LUZP2: variants seen among roughly 807,000 people sequenced by gnomAD.
The protein encoded by LUZP2 is leucine zipper protein 2.
LUZP2 carries 52 observed loss-of-function variants against 51.6 expected under a neutral mutation model. The observed-to-expected ratio is 1.01, with a 90% CI of 0.81 to 1.27. The LOEUF is 1.27. Among genes scored for constraint, LUZP2 ranks in the 50% most tolerant of loss-of-function variants. The probability of loss-of-function intolerance (pLI) is 0.00; values close to 1 mark genes in which losing one functional copy is unlikely to be tolerated. For missense variants in LUZP2, 436 were observed against 395.4 expected (o/e 1.10, Z -0.87); for synonymous variants, 154 against 137.3 (o/e 1.12, Z -0.85).
chr11:24,636,789 A>T (rs1855121029), intron 1 of LUZP2, among the ~76,000 whole-genome samples: 2 of 152,180 alleles, frequency 1.3e-5, no homozygotes, highest in Non-Finnish European at 2.9e-5. Context: ...ACTTAACCAG[A>T]GACATAAGAA....
At chr11:24,722,207 T>C (rs1236678123) in intron 1 of LUZP2, among the ~76,000 whole-genome samples, 1 of 152,208 alleles carries the variant, frequency 6.6e-6, no homozygotes, top group African/African-American at 2.4e-5. Context: ...GGACAAATCC[T>C]GATATAAATA....
chr11:25,066,138 G>C (rs545211076), intron 10 of LUZP2, among the ~76,000 whole-genome samples: 2 of 150,604 alleles, frequency 1.3e-5, no homozygotes, highest in South Asian at 4.2e-4. Flanking sequence ...ACAACATTTT[G>C]TCTTCTCGGG....
intron 1 of LUZP2, among the ~76,000 whole-genome samples, chr11:24,688,677 A>G (rs899152026): frequency 2.0e-5 from 3 of 152,136 alleles, no homozygotes; most frequent in Non-Finnish European, 2.9e-5. Context: ...TATTGACTCA[A>G]TGGTCTGGTA....
intron 1 of LUZP2, among the ~76,000 whole-genome samples, chr11:24,650,765 T>C (rs1428845845): frequency 1.3e-5 from 2 of 152,096 alleles, no homozygotes; most frequent in African/African-American, 4.8e-5. Flanking sequence ...CTCATATTTC[T>C]GTTCTTGAGG....
intron 7 of LUZP2, among the ~76,000 whole-genome samples, chr11:24,921,706 A>G (rs774659046): frequency 6.6e-6 from 1 of 152,186 alleles, no homozygotes; most frequent in Non-Finnish European, 1.5e-5. Flanking sequence ...CAATCTAGGC[A>G]TTAAAACATA....
chr11:24,657,606 G>A (rs542149029), intron 1 of LUZP2, among the ~76,000 whole-genome samples: 128 of 152,192 alleles, frequency 8.4e-4, no homozygotes, highest in African/African-American at 3.0e-3. Context: ...GAAATAAAGG[G>A]TATTCAATTA....
At chr11:24,972,622 T>A (rs1469736574) in intron 7 of LUZP2, among the ~76,000 whole-genome samples, 1 of 152,172 alleles carries the variant, frequency 6.6e-6, no homozygotes, top group Non-Finnish European at 1.5e-5. Context: ...CCTAATTTAT[T>A]GAACATGAAG....
At chr11:24,854,949 G>A (rs1308925177) in intron 5 of LUZP2, among the ~76,000 whole-genome samples, 8 of 152,042 alleles carry the variant, frequency 5.3e-5, no homozygotes, top group South Asian at 2.1e-4. Context: ...CTTGCCCTCC[G>A]TGAGCCACAC....
chr11:24,986,249 A>AATATT (rs1469432237), intron 9 of LUZP2, among the ~76,000 whole-genome samples: 18 of 151,672 alleles, frequency 1.2e-4, no homozygotes, highest in Non-Finnish European at 1.6e-4. Context: ...GGCATTATTA[A>AATATT]ATATTATATT....
chr11:24,856,667 G>T (rs1343785523), intron 5 of LUZP2, among the ~76,000 whole-genome samples: 3 of 152,082 alleles, frequency 2.0e-5, no homozygotes, highest in African/African-American at 7.2e-5. Flanking sequence ...CAAAGATATG[G>T]GTCAATAGAA....
At chr11:24,845,444 T>C (rs1302987511) in intron 5 of LUZP2, among the ~76,000 whole-genome samples, 1 of 152,188 alleles carries the variant, frequency 6.6e-6, no homozygotes, top group African/African-American at 2.4e-5. Flanking sequence ...ACTGTAGACT[T>C]TTCAGTTAAT....
intron 7 of LUZP2, among the ~76,000 whole-genome samples, chr11:24,945,600 CT>C (rs1301959505): frequency 6.6e-6 from 1 of 151,358 alleles, no homozygotes; most frequent in Non-Finnish European, 1.5e-5. Context: ...TAGTTTCAAC[CT>C]CCTTAGTATA....
chr11:24,848,151 T>A lies in LUZP2; in HGVS notation c.397-57840T>A, dbSNP rs1851262578. On this transcript the variant is annotated intron_variant, in intron 5 of 11. Coordinates refer to ENST00000336930, the MANE Select transcript of LUZP2 (RefSeq NM_001009909.4). ...GGACTAATATATGATTGATATGATA[T>A]GATATGATATGATAGATATGTTATT... 2.6e-5 allele frequency among the ~76,000 whole-genome samples: 4 copies of A among 152,290 alleles called. No homozygotes were observed. The South Asian group carries it at 8.3e-4, about 32-fold the overall frequency.
At chr11:24,552,870 A>C (rs1382980821) in intron 1 of LUZP2, among the ~76,000 whole-genome samples, 2 of 151,722 alleles carry the variant, frequency 1.3e-5, no homozygotes, top group East Asian at 3.9e-4. Flanking sequence ...ATTATATGAA[A>C]TAACCAATAA....
intron 2 of LUZP2, among the ~76,000 whole-genome samples, chr11:24,731,341 C>T (rs1352277476): frequency 6.9e-6 from 1 of 145,326 alleles, no homozygotes; most frequent in African/African-American, 2.6e-5. Context: ...TATTCTTTTG[C>T]AAACAATATT....
intron 9 of LUZP2, among the ~76,000 whole-genome samples, chr11:25,017,159 G>A (rs1201993647): frequency 6.6e-6 from 1 of 152,074 alleles, no homozygotes; most frequent in South Asian, 2.1e-4. Context: ...GTTCCTTGTA[G>A]ATTCTGGATA....
chr11:24,893,096 T>G (rs1232961425), intron 5 of LUZP2: 3 of 152,180 alleles, frequency 2.0e-5, no homozygotes, highest in Non-Finnish European at 4.4e-5. Context: ...TCAGCTTTTG[T>G]CAAATGAAGC....
At chr11:24,970,416 C>G (rs1855709824) in intron 7 of LUZP2, among the ~76,000 whole-genome samples, 1 of 151,982 alleles carries the variant, frequency 6.6e-6, no homozygotes. Context: ...ATTCTATAAA[C>G]CTCAGTGAAA....
At chr11:24,948,707 T>C (rs1482534908) in intron 7 of LUZP2, among the ~76,000 whole-genome samples, 3 of 151,834 alleles carry the variant, frequency 2.0e-5, no homozygotes, top group Admixed American at 6.6e-5. Context: ...TAAAATTTCC[T>C]CTTCTCTGAA....
Sources: allele counts gnomAD v4.1 joint callset (sites outside exome capture counted in the v4.1 genomes callset), GRCh38; gene constraint gnomAD v4.1.1; transcripts MANE v1.5; gene names NCBI Gene and HGNC (gene_info 2026-07-23, HGNC 2026-07-21).